Variants in RBFOX1 observed in about 807,000 individuals in gnomAD.
The protein encoded by RBFOX1 is RNA binding fox-1 homolog 1.
RBFOX1 carries 8 observed loss-of-function variants against 57.7 expected under a neutral mutation model. That is an observed-to-expected ratio of 0.14 (90% confidence interval 0.08 to 0.25). The LOEUF (loss-of-function observed/expected upper bound fraction) is 0.25, where lower values mean the gene tolerates loss of function less well. RBFOX1 is among the 10% of genes least tolerant of loss of function. The probability of loss-of-function intolerance (pLI) is 1.00; values close to 1 mark genes in which losing one functional copy is unlikely to be tolerated. For missense variants in RBFOX1, 611 were observed against 548.5 expected (o/e 1.11, Z -1.14); for synonymous variants, 326 against 222.4 (o/e 1.47, Z -4.15).
intron 3 of RBFOX1, among the ~76,000 whole-genome samples, chr16:5,614,676 C>T (rs779189517): frequency 2.6e-5 from 4 of 152,098 alleles, no homozygotes; most frequent in Non-Finnish European, 4.4e-5. Flanking sequence ...CAACATTCCA[C>T]CCCTACCCCC....
chr16:6,808,825 T>C (rs1055378924), intron 3 of RBFOX1, among the ~76,000 whole-genome samples: 2 of 152,138 alleles, frequency 1.3e-5, no homozygotes, highest in African/African-American at 4.8e-5. Flanking sequence ...CTCTAATTCA[T>C]AGAAAATCAC....
chr16:5,779,429 C>T (rs1380838816), intron 3 of RBFOX1, among the ~76,000 whole-genome samples: 1 of 152,196 alleles, frequency 6.6e-6, no homozygotes, highest in South Asian at 2.1e-4. Flanking sequence ...CCATTCAGCA[C>T]ATAAAAACGC....
intron 1 of RBFOX1, among the ~76,000 whole-genome samples, chr16:6,266,500 G>C (rs969525929): frequency 6.6e-6 from 1 of 152,010 alleles, no homozygotes; most frequent in Non-Finnish European, 1.5e-5. Flanking sequence ...GATCACTTGA[G>C]GTCAGGAGTT....
At chr16:7,391,102 C>T (rs2098007115) in intron 4 of RBFOX1, among the ~76,000 whole-genome samples, 2 of 152,098 alleles carry the variant, frequency 1.3e-5, no homozygotes, top group Non-Finnish European at 2.9e-5. Context: ...CCTTAACTGA[C>T]CTTTTGCACT....
At chr16:5,986,142 C>A (rs1006907602) in intron 4 of RBFOX1, among the ~76,000 whole-genome samples, 3 of 151,194 alleles carry the variant, frequency 2.0e-5, no homozygotes, top group Non-Finnish European at 4.4e-5. Context: ...GCAGATCTTG[C>A]AACCTCTGCC....
intron 3 of RBFOX1, among the ~76,000 whole-genome samples, chr16:5,765,050 A>C (rs551446210): frequency 2.0e-5 from 3 of 152,308 alleles, no homozygotes; most frequent in East Asian, 3.9e-4. Context: ...AACACCATCA[A>C]ATGTCACCAG....
At chr16:7,000,646 C>T (rs1292643676) in intron 3 of RBFOX1, among the ~76,000 whole-genome samples, 1 of 134,778 alleles carries the variant, frequency 7.4e-6, no homozygotes, top group Non-Finnish European at 1.5e-5. Flanking sequence ...CCTCTGTCGC[C>T]CAGGCTGGAG....
At chr16:6,518,797 G>GTCTA (rs58687392) in intron 2 of RBFOX1, among the ~76,000 whole-genome samples, 4,837 of 103,820 alleles carry the variant, frequency 0.047, 155 homozygotes, top group African/African-American at 0.11. Flanking sequence ...CTGTGTGTCT[G>GTCTA]TCTATCTATC....
At chr16:7,697,580 C>T (rs1034540948) in intron 14 of RBFOX1, among the ~76,000 whole-genome samples, 4 of 152,062 alleles carry the variant, frequency 2.6e-5, no homozygotes, top group African/African-American at 9.7e-5. Context: ...ATATATGTAT[C>T]ACAGTAGTTC....
chr16:5,856,191 A>C (rs372382334), intron 3 of RBFOX1, among the ~76,000 whole-genome samples: 2,666 of 50,368 alleles, frequency 0.053, 57 homozygotes, highest in Non-Finnish European at 0.08. Flanking sequence ...CTCTCTCTAT[A>C]TATATATATA....
At chr16:7,595,301 G>A (rs1184899543) in intron 7 of RBFOX1, among the ~76,000 whole-genome samples, 1 of 152,010 alleles carries the variant, frequency 6.6e-6, no homozygotes, top group Non-Finnish European at 1.5e-5. Context: ...CATTTAGAAA[G>A]GTATTTTTGG....
chr16:5,702,058 G>T (rs1033974264), intron 3 of RBFOX1, among the ~76,000 whole-genome samples: 3 of 152,180 alleles, frequency 2.0e-5, no homozygotes, highest in African/African-American at 7.2e-5. Context: ...GCCATAAGTA[G>T]CTATCAGTGA....
At chr16:6,731,843 T>G (rs1483871962) in intron 3 of RBFOX1, among the ~76,000 whole-genome samples, 1 of 152,176 alleles carries the variant, frequency 6.6e-6, no homozygotes, top group Non-Finnish European at 1.5e-5. Flanking sequence ...TCTAAAATCC[T>G]TGGCTCATTG....
At chr16:6,427,288 T>G (rs1338941207) in intron 2 of RBFOX1, among the ~76,000 whole-genome samples, 2 of 152,206 alleles carry the variant, frequency 1.3e-5, no homozygotes, top group Non-Finnish European at 2.9e-5. Context: ...TCCAGAGTAT[T>G]TCTTCATTAT....
chr16:5,253,605 C>T lies in RBFOX1; in HGVS notation c.219+13500C>T, dbSNP rs185771409. Among the ~76,000 whole-genome samples the T allele has an allele frequency of 7.2e-5, 11 of 152,186 alleles. No homozygotes were observed. In the South Asian group the frequency reaches 1.4e-3, roughly 20 times the overall value. ...GGCCTCTGAGTCCGTGGCAGCCTCA[C>T]GTGGGAAATACCACCAATGAGCCTC... On this transcript the variant is annotated intron_variant, in intron 1 of 2. Coordinates refer to the RBFOX1 transcript ENST00000585867.
At chr16:6,351,395 CAG>C (rs1414416670) in intron 2 of RBFOX1, among the ~76,000 whole-genome samples, 1 of 97,358 alleles carries the variant, frequency 1.0e-5, no homozygotes, top group Non-Finnish European at 1.9e-5. Flanking sequence ...TTTCTTGAGG[CAG>C]AGTTTTGCTC....
chr16:6,136,239 G>A (rs1422385770), intron 1 of RBFOX1, among the ~76,000 whole-genome samples: 1 of 152,176 alleles, frequency 6.6e-6, no homozygotes, highest in East Asian at 1.9e-4. Context: ...AGCAGTCCAA[G>A]GTGTATGTCC....
At chr16:5,693,930 G>A (rs2050770445) in intron 3 of RBFOX1, among the ~76,000 whole-genome samples, 1 of 152,174 alleles carries the variant, frequency 6.6e-6, no homozygotes, top group South Asian at 2.1e-4. Context: ...CGTCACAGGT[G>A]GCAATGGCCT....
At chr16:6,868,482 A>T (rs1284191775) in intron 3 of RBFOX1, among the ~76,000 whole-genome samples, 2 of 151,308 alleles carry the variant, frequency 1.3e-5, no homozygotes, top group African/African-American at 2.4e-5. Flanking sequence ...TTGGTTTATG[A>T]TTTTTTTTTG....
Sources: gnomAD v4.1 joint callset for allele counts (sites outside exome capture counted in the v4.1 genomes callset) on GRCh38, gnomAD v4.1.1 for gene constraint, MANE v1.5 for transcripts, NCBI Gene and HGNC (gene_info 2026-07-23, HGNC 2026-07-21) for gene names.